Variants in FBXL17 observed in about 807,000 individuals in gnomAD.
FBXL17 encodes F-box and leucine rich repeat protein 17, also known as F-box/LRR-repeat protein 17.
A neutral mutation model predicts 66.2 loss-of-function variants in FBXL17; 22 were observed. The observed-to-expected ratio is 0.33, with a 90% CI of 0.24 to 0.47. FBXL17 has a LOEUF of 0.47. Ranked by LOEUF, FBXL17 falls within the 20% of genes least tolerant of loss-of-function variation. FBXL17 has a pLI of 1.00. For missense variants in FBXL17, 878 were observed against 948.2 expected, an observed-to-expected ratio of 0.93 and a Z score of 0.97; for synonymous variants, 474 against 400.5, an observed-to-expected ratio of 1.18 and a Z score of -2.19.
intron 6 of FBXL17, among the ~76,000 whole-genome samples, chr5:108,057,993 G>C (rs1472949169): frequency 6.6e-6 from 1 of 152,078 alleles, no homozygotes; most frequent in Non-Finnish European, 1.5e-5. Context: ...TAAGTCCCAA[G>C]GCCAACAATA....
At chr5:108,212,459 C>T (rs1307617184) in intron 5 of FBXL17, among the ~76,000 whole-genome samples, 1 of 152,158 alleles carries the variant, frequency 6.6e-6, no homozygotes, top group East Asian at 1.9e-4. Context: ...TTCTCCCCAT[C>T]TTTGTGATTT....
chr5:108,195,645 T>C (rs1753649770), intron 5 of FBXL17, among the ~76,000 whole-genome samples: 1 of 152,190 alleles, frequency 6.6e-6, no homozygotes, highest in African/African-American at 2.4e-5. Flanking sequence ...GCTTCTGTGT[T>C]GAATTCAGAA....
At chr5:107,867,703 G>A (rs913087695) in intron 8 of FBXL17, among the ~76,000 whole-genome samples, 2 of 152,236 alleles carry the variant, frequency 1.3e-5, no homozygotes, top group Non-Finnish European at 2.9e-5. Context: ...TGGGCTTTGG[G>A]AGTTGGTATG....
chr5:107,923,512 C>T (rs1750392896), intron 7 of FBXL17, among the ~76,000 whole-genome samples: 3 of 152,260 alleles, frequency 2.0e-5, no homozygotes, highest in African/African-American at 7.2e-5. Flanking sequence ...GGCACAATGG[C>T]CAAGAGCATC....
chr5:108,126,193 G>A (rs938537368), intron 6 of FBXL17, among the ~76,000 whole-genome samples: 2 of 151,850 alleles, frequency 1.3e-5, no homozygotes, highest in African/African-American at 4.8e-5. Flanking sequence ...GCATAATTTA[G>A]CCTCTAATTT....
chr5:108,027,016 A>G (rs288162), intron 6 of FBXL17, among the ~76,000 whole-genome samples: 118,166 of 151,982 alleles, frequency 0.78, 46,310 homozygotes, highest in East Asian at 0.93. Context: ...TTGAGTGTCT[A>G]ACATTAAATA....
intron 6 of FBXL17, among the ~76,000 whole-genome samples, chr5:108,091,047 T>C (rs1256367825): frequency 6.6e-6 from 1 of 152,200 alleles, no homozygotes; most frequent in Non-Finnish European, 1.5e-5. Context: ...GAAACTCTTC[T>C]TGCCCTCTTA....
rs184754268 is a variant in FBXL17 at position 107,911,749 on chromosome 5, C to T, written c.1823-30570G>A. Reference sequence around the variant, plus strand: ...TCTAAAAGCCAAATACATTTTAAGCCAAGATAAATTTATGTGGCAGAATAA... The same window carrying T: ...TCTAAAAGCCAAATACATTTTAAGCTAAGATAAATTTATGTGGCAGAATAA... On this transcript the variant is annotated intron_variant, in intron 7 of 8. Coordinates refer to ENST00000542267, the MANE Select transcript of FBXL17 (RefSeq NM_001163315.3). Among the ~76,000 whole-genome samples, 3 of 151,890 alleles carry T rather than the reference C, an allele frequency of 2.0e-5. No individual in the cohort carries two copies. The East Asian group carries it at 5.8e-4, about 29-fold the overall frequency.
intron 4 of FBXL17, among the ~76,000 whole-genome samples, chr5:108,277,934 C>T (rs1757549777): frequency 6.6e-6 from 1 of 152,188 alleles, no homozygotes; most frequent in Non-Finnish European, 1.5e-5. Context: ...GCATTTCAAG[C>T]ATGCCTCATT....
intron 7 of FBXL17, among the ~76,000 whole-genome samples, chr5:107,949,657 G>A (rs1751434571): frequency 6.6e-6 from 1 of 152,144 alleles, no homozygotes. Context: ...AGAACCATGT[G>A]AAAAGAATTT....
intron 4 of FBXL17, among the ~76,000 whole-genome samples, chr5:108,322,236 T>C (rs1049532027): frequency 6.6e-6 from 1 of 151,982 alleles, no homozygotes; most frequent in Non-Finnish European, 1.5e-5. Context: ...ACAGTATATT[T>C]ATAAATGACA....
intron 1 of FBXL17, among the ~76,000 whole-genome samples, chr5:108,368,280 C>G (rs1295467917): frequency 6.6e-6 from 1 of 150,408 alleles, no homozygotes; most frequent in East Asian, 1.9e-4. Context: ...AAAAAAAAAA[C>G]TGTTTACCTT....
At chr5:107,913,298 C>T (rs1271409742) in intron 7 of FBXL17, among the ~76,000 whole-genome samples, 3 of 151,692 alleles carry the variant, frequency 2.0e-5, no homozygotes, top group African/African-American at 4.8e-5. Flanking sequence ...TGTTTTGTTG[C>T]CTTAGTTACA....
At chr5:107,980,425 C>T (rs1425192884) in intron 7 of FBXL17, among the ~76,000 whole-genome samples, 1 of 149,072 alleles carries the variant, frequency 6.7e-6, no homozygotes, top group South Asian at 2.1e-4. Context: ...TTTTTTGAGA[C>T]AGGGTCTCCT....
At chr5:108,368,010 A>G in intron 1 of FBXL17, 57 bp from the exon 2 acceptor site, 1 of 1,479,602 alleles carries the variant, frequency 6.8e-7, no homozygotes, top group Non-Finnish European at 9.0e-7. Context: ...AGGCACAGGA[A>G]AAGGTTTTTA....
At position 108,380,683 on chromosome 5, in the gene FBXL17, T is replaced by A. The variant is rs1046920153; in HGVS notation, c.993+16A>T. 4.0e-6 allele frequency: 5 copies of A among 1,247,146 alleles called. No homozygotes were observed. Among genetic ancestry groups the A allele is most frequent in the Admixed American group, 4.2e-5 (1 of 23,686 alleles). The allele number at this position is 1,247,146 out of a possible 1,614,324, so 77.3% of individuals were successfully genotyped here. A position where few individuals can be genotyped will look rare whatever the true frequency, so the allele number is the denominator to read the frequency against. The stretch of plus-strand genomic sequence containing the variant: ...GGGGGAAAGCGAGCATCCCTGCGCC[T>A]CTCGCCCAGACCCACCTTGAGCAGG... On this transcript the variant is annotated intron_variant, in intron 1 of 8. Coordinates refer to ENST00000542267, the MANE Select transcript of FBXL17 (RefSeq NM_001163315.3).
At chr5:107,937,235 G>A (rs892316037) in intron 7 of FBXL17, among the ~76,000 whole-genome samples, 2 of 152,116 alleles carry the variant, frequency 1.3e-5, no homozygotes, top group African/African-American at 4.8e-5. Context: ...AATCATCTGA[G>A]CATAAACAGG....
intron 6 of FBXL17, among the ~76,000 whole-genome samples, chr5:108,088,381 C>T (rs1348996556): frequency 6.6e-6 from 1 of 152,072 alleles, no homozygotes; most frequent in Non-Finnish European, 1.5e-5. Flanking sequence ...ACTTCTCTTC[C>T]TTTGACTTCT....
At chr5:108,143,726 G>A (rs1220144278) in intron 6 of FBXL17, among the ~76,000 whole-genome samples, 11 of 107,526 alleles carry the variant, frequency 1.0e-4, no homozygotes, top group Admixed American at 7.6e-4. Context: ...GTTTTCATGG[G>A]AAAAAAAAAA....
Sources: gnomAD v4.1 joint callset for allele counts (sites outside exome capture counted in the v4.1 genomes callset) on GRCh38, gnomAD v4.1.1 for gene constraint, MANE v1.5 for transcripts, NCBI Gene and HGNC (gene_info 2026-07-23, HGNC 2026-07-21) for gene names.